The following GPC6 variants were observed in gnomAD, a reference collection of about 807,000 sequenced individuals.
The protein encoded by GPC6 is glypican-6.
In GPC6, 14 loss-of-function variants were observed where a neutral mutation model predicts 55.2. The ratio of observed to expected loss-of-function variants is 0.25; its 90% confidence interval spans 0.17 to 0.40. The LOEUF is 0.40. Ranked by LOEUF, GPC6 falls within the 10% of genes least tolerant of loss-of-function variation. The pLI, the probability that GPC6 is intolerant of heterozygous loss-of-function variation, is 1.00. For synonymous variants in GPC6, 278 were observed against 259.6 expected (o/e 1.07, Z -0.68); for missense variants, 641 against 708.5 (o/e 0.90, Z 1.08).
At chr13:94,278,906 TTA>T (rs1474855968) in intron 4 of GPC6, among the ~76,000 whole-genome samples, 3 of 152,168 alleles carry the variant, frequency 2.0e-5, no homozygotes, top group African/African-American at 7.2e-5. Context: ...TCTTTTTTTG[TTA>T]TGTTTCTGCC....
At chr13:94,310,471 G>A (rs1007684807) in intron 6 of GPC6, among the ~76,000 whole-genome samples, 1 of 152,164 alleles carries the variant, frequency 6.6e-6, no homozygotes, top group African/African-American at 2.4e-5. Context: ...TGCCTGTTCT[G>A]TGCTATTATG....
intron 6 of GPC6, among the ~76,000 whole-genome samples, chr13:94,381,943 A>G (rs1293809705): frequency 6.6e-6 from 1 of 152,252 alleles, no homozygotes; most frequent in Non-Finnish European, 1.5e-5. Context: ...GAGCATAAGT[A>G]CCAGCAGCTG....
chr13:93,474,897 T>C (rs954485129), intron 1 of GPC6, among the ~76,000 whole-genome samples: 1 of 152,230 alleles, frequency 6.6e-6, no homozygotes, highest in Non-Finnish European at 1.5e-5. Flanking sequence ...GGATGGTGGC[T>C]ATGCTTATAA....
intron 1 of GPC6, among the ~76,000 whole-genome samples, chr13:93,241,993 G>A (rs752244623): frequency 6.6e-6 from 1 of 152,132 alleles, no homozygotes; most frequent in Non-Finnish European, 1.5e-5. Flanking sequence ...GCAATGTAGC[G>A]GGTGTGTGAA....
intron 1 of GPC6, among the ~76,000 whole-genome samples, chr13:93,353,479 T>A (rs143227708): frequency 2.6e-5 from 4 of 152,324 alleles, no homozygotes; most frequent in Admixed American, 1.3e-4. Context: ...GAACTTCTCG[T>A]GAAATTATCA....
intron 1 of GPC6, among the ~76,000 whole-genome samples, chr13:93,515,312 C>G (rs1174682257): frequency 1.3e-5 from 2 of 152,146 alleles, no homozygotes; most frequent in African/African-American, 2.4e-5. Flanking sequence ...CTATGATCTT[C>G]TTGTTACAGC....
intron 4 of GPC6, among the ~76,000 whole-genome samples, chr13:94,260,567 C>T (rs1891627652): frequency 6.6e-6 from 1 of 152,104 alleles, no homozygotes; most frequent in Admixed American, 6.6e-5. Flanking sequence ...TGGATTAGGG[C>T]CCATCCATAT....
At chr13:94,338,814 A>G (rs1190892063) in intron 6 of GPC6, among the ~76,000 whole-genome samples, 2 of 152,198 alleles carry the variant, frequency 1.3e-5, no homozygotes, top group African/African-American at 4.8e-5. Flanking sequence ...TTTCTCTGTC[A>G]CATACATGAG....
intron 2 of GPC6, among the ~76,000 whole-genome samples, chr13:93,789,119 T>C (rs1427457555): frequency 7.2e-6 from 1 of 138,122 alleles, no homozygotes; most frequent in Admixed American, 7.3e-5. Context: ...GGGATGATAA[T>C]GTTACCATAT....
chr13:93,278,899 C>T (rs1240261220), intron 1 of GPC6, among the ~76,000 whole-genome samples: 1 of 152,058 alleles, frequency 6.6e-6, no homozygotes, highest in African/African-American at 2.4e-5. Context: ...AAATTTACTT[C>T]ACTGTAGTAA....
Position 93,561,661 on chromosome 13 carries a change from T to C in GPC6, c.319+16240T>C, listed in dbSNP as rs189916735. On this transcript the variant is annotated intron_variant, in intron 2 of 8. Transcript: ENST00000377047. Reference sequence around the variant, plus strand: ...GAAGCTAAGTCATGCTGGGTGCTCATTGATAACTTAGAAAGACTCTCTAGT... The same window carrying C: ...GAAGCTAAGTCATGCTGGGTGCTCACTGATAACTTAGAAAGACTCTCTAGT... Among the ~76,000 whole-genome samples the C allele has an allele frequency of 5.3e-5, 8 of 152,100 alleles. No homozygotes were observed. In the East Asian group the frequency reaches 7.8e-4, roughly 15 times the overall value.
At chr13:93,218,115 T>A in the GPC6 span, among the ~76,000 whole-genome samples, 5 of 970 alleles carry the variant, frequency 5.2e-3, no homozygotes, top group African/African-American at 5.4e-3. Flanking sequence ...TAGCTCAGAC[T>A]TTTTTTTTTT....
intron 2 of GPC6, among the ~76,000 whole-genome samples, chr13:93,569,700 ACAT>A (rs1876304755): frequency 6.6e-6 from 1 of 152,034 alleles, no homozygotes; most frequent in Non-Finnish European, 1.5e-5. Flanking sequence ...TAACTCATTA[ACAT>A]CAAGAAGAAA....
intron 1 of GPC6, among the ~76,000 whole-genome samples, chr13:93,458,462 G>A (rs577701203): frequency 2.6e-5 from 4 of 151,870 alleles, no homozygotes; most frequent in Admixed American, 1.3e-4. Flanking sequence ...TCCCTTTCAC[G>A]CCCAATATAT....
At chr13:94,150,570 C>T (rs1593989855) in intron 4 of GPC6, among the ~76,000 whole-genome samples, 2 of 151,964 alleles carry the variant, frequency 1.3e-5, no homozygotes, top group Middle Eastern at 3.4e-3. Flanking sequence ...TGTCTTTTAT[C>T]CTCTCCACCT....
At chr13:93,297,313 A>G (rs1878528836) in intron 1 of GPC6, among the ~76,000 whole-genome samples, 1 of 152,076 alleles carries the variant, frequency 6.6e-6, no homozygotes, top group African/African-American at 2.4e-5. Context: ...ACCATGGGGG[A>G]GGGCATCAGG....
At position 93,606,875 on chromosome 13, in the gene GPC6, A is replaced by G. The variant is rs115658494; in HGVS notation, c.319+61454A>G. Reference sequence around the variant, plus strand: ...GTCAATCCTCTAAATGACCCATTTTACAAACAAATCAAACTCCAGCAGGAC... The same window carrying G: ...GTCAATCCTCTAAATGACCCATTTTGCAAACAAATCAAACTCCAGCAGGAC... On this transcript the variant is annotated intron_variant, in intron 2 of 8. Transcript: ENST00000377047. 0.019 allele frequency among the ~76,000 whole-genome samples: 2,851 copies of G among 152,306 alleles called. 91 individuals are homozygous for G. The highest frequency in any genetic ancestry group is 0.065 in the African/African-American group (2,693 of 41,564).
intron 1 of GPC6, among the ~76,000 whole-genome samples, chr13:93,432,636 G>A (rs73552664): frequency 0.033 from 4,979 of 152,184 alleles, 281 homozygotes; most frequent in African/African-American, 0.11. Flanking sequence ...TACCTCCCTT[G>A]CTAAAAGATG....
chr13:94,351,823 T>C (rs1469597076), intron 6 of GPC6, among the ~76,000 whole-genome samples: 1 of 151,606 alleles, frequency 6.6e-6, no homozygotes, highest in African/African-American at 2.4e-5. Context: ...ATTTCCCTTA[T>C]GGGTTTGAGT....
Sources: allele counts gnomAD v4.1 joint callset (sites outside exome capture counted in the v4.1 genomes callset), GRCh38; gene constraint gnomAD v4.1.1; transcripts MANE v1.5; gene names NCBI Gene and HGNC (gene_info 2026-07-23, HGNC 2026-07-21).